KRT9: variants seen among roughly 807,000 people sequenced by gnomAD.
KRT9 encodes keratin, type I cytoskeletal 9.
In KRT9, 34 loss-of-function variants were observed where a neutral mutation model predicts 51.4. The observed-to-expected ratio is 0.66, with a 90% CI of 0.50 to 0.88. The LOEUF is 0.88. Ranked by LOEUF, KRT9 falls within the 40% of genes least tolerant of loss-of-function variation. The pLI is 0.00. For synonymous variants in KRT9, 292 were observed against 289.7 expected (o/e 1.01, Z -0.08); for missense variants, 753 against 790.3 (o/e 0.95, Z 0.57).
chr17:41,571,894 G>A lies in KRT9; in HGVS notation c.99C>T (p.Ser33=). ...CACCGCCCCCTGAGGAGCTGAAGCGGCTGTAGGAAGACCTTATGCTGCCCC... is the reference window on the plus strand; with the variant it reads ...CACCGCCCCCTGAGGAGCTGAAGCGACTGTAGGAAGACCTTATGCTGCCCC... ...GSGGSIRSSY[S]RFSSSGGGGG... The change falls in exon 1 of 8, where the codon AGC becomes AGT. Residue 33 remains serine, a synonymous_variant. Coordinates refer to ENST00000246662, the MANE Select transcript of KRT9 (RefSeq NM_000226.4). 1.2e-6 allele frequency: 2 copies of A among 1,608,792 alleles called. No individual in the cohort carries two copies. Among genetic ancestry groups the A allele is most frequent in the Non-Finnish European group, 1.7e-6 (2 of 1,177,918 alleles).
In KRT9 at chr17:41,571,459, G is replaced by A; in HGVS notation, c.534C>T (p.Asn178=). The A allele has an allele frequency of 3.7e-6, 6 of 1,613,980 alleles. No homozygotes were observed. Among genetic ancestry groups the A allele is most frequent in the Non-Finnish European group, 4.2e-6 (5 of 1,180,004 alleles). Residue 178 remains asparagine, a synonymous_variant, in exon 1 of 8, where the codon AAC becomes AAT. Coordinates refer to ENST00000246662, the MANE Select transcript of KRT9 (RefSeq NM_000226.4). The stretch of plus-strand genomic sequence containing the variant: ...CCTGGATCTTATTCTCCAGGTCGTT[G>A]TTGGCCTCCTCTAGAGCCTGCACCT... The part of the protein sequence containing the change: ...LDKVQALEEA[N]NDLENKIQDW...
intron 7 of KRT9, 96 bp from the exon 8 acceptor site, chr17:41,566,248 C>A (rs1906870385): frequency 6.5e-6 from 1 of 153,282 alleles, no homozygotes; most frequent in South Asian, 2.1e-4. Context: ...AAACTCGAAG[C>A]AAGGACACTA....
At position 41,570,234 on chromosome 17, in the gene KRT9, G is replaced by A. The variant is rs748828183; in HGVS notation, c.643-14C>T. 1.7e-5 allele frequency: 28 copies of A among 1,602,814 alleles called. No individual in the cohort carries two copies. Among genetic ancestry groups the A allele is most frequent in the Non-Finnish European group, 2.1e-5 (25 of 1,169,688 alleles). The stretch of plus-strand genomic sequence containing the variant: ...CAGGTCCACAATCTGAAAAAAAAAG[G>A]ACACAGCCATGATATCATGCTGTGG... On this transcript the variant is annotated splice_polypyrimidine_tract_variant and intron_variant, in intron 1 of 7. Transcript: ENST00000246662.
rs545664838 is a variant in KRT9, at chr17:41,566,023, G to C, written c.*170C>G. 77 of 152,828 alleles carry C rather than the reference G, an allele frequency of 5.0e-4. 1 individual carries two copies. The highest frequency in any genetic ancestry group is 1.8e-3 in the African/African-American group (74 of 41,588). The allele number at this position is 152,828 out of a possible 1,614,324, so 9.5% of individuals were successfully genotyped here. The stretch of plus-strand genomic sequence containing the variant: ...AGTTCAGTCCCAAACGGGCACAGGG[G>C]CTTGTTGCCAGCTATTCCTGATGTC... On this transcript the variant is annotated 3_prime_UTR_variant, in exon 8 of 8. Transcript: ENST00000246662.
At chr17:41,568,137 T>A (rs1441181054) in intron 6 of KRT9, 25 bp downstream of exon 6, 1 of 1,594,090 alleles carries the variant, frequency 6.3e-7, no homozygotes, top group Non-Finnish European at 8.6e-7. Flanking sequence ...CCCCCAGGGG[T>A]TCCACCAAAT....
rs1472705574 is a variant in KRT9, at chr17:41,567,319, C to T, written c.1826G>A (p.Ser609Asn). 8 of 1,614,202 alleles carry T rather than the reference C, an allele frequency of 5.0e-6. No individual in the cohort carries two copies. Among genetic ancestry groups the T allele is most frequent in the Middle Eastern group, 1.6e-4 (1 of 6,062 alleles). The part of the protein sequence containing the change: ...SYGGGEEASG[S>N]GGGYGGGSGK... ...GCTTCCTCCTCCGTAGCCGCCACCA[C>T]TTCCACTCGCTTCTTCACCGCCTCC... Residue 609 changes from serine to asparagine, a missense_variant, in exon 7 of 8, where the codon AGT becomes AAT. Physicochemically the swap from Ser to Asn is conservative, Grantham distance 46. Around this residue, in one of 3 missense-constraint regions of KRT9, gnomAD observed 507 missense variants for 563.7 expected, o/e 0.90. Transcript: ENST00000246662.
At position 41,571,534 on chromosome 17, in the gene KRT9, C is replaced by A. The variant is rs748215396; in HGVS notation, c.459G>T (p.Glu153Asp). 1 of 1,613,912 alleles carries A rather than the reference C, an allele frequency of 6.2e-7. No homozygotes were observed. The highest frequency in any genetic ancestry group is 8.5e-7 in the Non-Finnish European group (1 of 1,179,962). Residue 153 changes from glutamate (E) to aspartate (D), a missense_variant, in exon 1 of 8, where the codon GAG becomes GAT. Physicochemically the swap from Glu to Asp is conservative, Grantham distance 45. Around this residue, in one of 3 missense-constraint regions of KRT9, gnomAD observed 241 missense variants for 210.3 expected, o/e 1.15. Transcript: ENST00000246662. ...GGDGGILTAN[E>D]KSTMQELNSR... ...AATTGAGTTCCTGCATGGTGCTCTT[C>A]TCATTAGCAGTCAGAATACCACCAT...
At position 41,570,201 on chromosome 17, in the gene KRT9, C is replaced by T; in HGVS notation, c.662G>A (p.Gly221Asp). Reference protein sequence around the residue: ...LKDQIVDLTVGNNKTLLDIDN... With the variant: ...LKDQIVDLTVDNNKTLLDIDN... Reference sequence around the variant, plus strand: ...AATGTCCAGGAGAGTTTTGTTGTTGCCCACTGTCAGGTCCACAATCTGAAA... The same window carrying T: ...AATGTCCAGGAGAGTTTTGTTGTTGTCCACTGTCAGGTCCACAATCTGAAA... Residue 221 changes from glycine (G) to aspartate (D), a missense_variant, in exon 2 of 8, where the codon GGC (glycine) becomes GAC (aspartate). Coordinates refer to ENST00000246662, the MANE Select transcript of KRT9 (RefSeq NM_000226.4). 1 of 1,613,908 alleles carries T rather than the reference C, an allele frequency of 6.2e-7. No homozygotes were observed. The highest frequency in any genetic ancestry group is 8.5e-7 in the Non-Finnish European group (1 of 1,179,914).
Position 41,567,386 on chromosome 17 carries a change from C to G in KRT9, c.1759G>C (p.Gly587Arg), listed in dbSNP as rs1906905384. The change falls in exon 7 of 8, where the codon GGT becomes CGT. Residue 587 changes from glycine to arginine, a missense_variant. Around this residue, in one of 3 missense-constraint regions of KRT9, gnomAD observed 507 missense variants for 563.7 expected, o/e 0.90. Coordinates refer to ENST00000246662, the MANE Select transcript of KRT9 (RefSeq NM_000226.4). ...GSRGGSGGSHGGGSGFGGESG... is the reference protein window; with the variant it reads ...GSRGGSGGSHRGGSGFGGESG... Reference sequence around the variant, plus strand: ...TCACCTCCAAAACCACTTCCTCCACCATGGCTGCCTCCACTTCCTCCCCTG... The same window carrying G: ...TCACCTCCAAAACCACTTCCTCCACGATGGCTGCCTCCACTTCCTCCCCTG... 1 of 1,602,342 alleles carries G rather than the reference C, an allele frequency of 6.2e-7. No homozygotes were observed. The highest frequency in any genetic ancestry group is 1.3e-5 in the African/African-American group (1 of 74,602).
chr17:41,569,715 C>A, intron 3 of KRT9, 128 bp from the exon 4 acceptor site: 1 of 1,472,454 alleles, frequency 6.8e-7, no homozygotes, highest in Non-Finnish European at 9.5e-7. Context: ...CAACCACTAC[C>A]ATAGGTGATG....
rs1356964529 is a variant in KRT9 at position 41,569,435 on chromosome 17, A to C, written c.1035T>G (p.Tyr345Ter). 6.2e-7 allele frequency: 1 copy of C among 1,613,974 alleles called. No individual in the cohort carries two copies. Among genetic ancestry groups the C allele is most frequent in the Non-Finnish European group, 8.5e-7 (1 of 1,180,000 alleles). The change falls in exon 4 of 8, where the codon TAT becomes TAG. Residue 345 changes from tyrosine to a stop codon, truncating the protein, a stop_gained. Coordinates refer to ENST00000246662, the MANE Select transcript of KRT9 (RefSeq NM_000226.4). LOFTEE classifies it high-confidence loss of function. ...AGCCCACTCTGCTCACCTGAGTCTC[A>C]TATTGATTCTCGATGTCCTTTCTGT... is the stretch of plus-strand genomic sequence containing the variant. Reference protein sequence around the residue: ...AKNRKDIENQYETQITQIEHE... With the variant: ...AKNRKDIENQ
intron 1 of KRT9, among the ~76,000 whole-genome samples, chr17:41,570,580 A>T (rs1907049020): frequency 6.6e-6 from 1 of 152,252 alleles, no homozygotes; most frequent in Non-Finnish European, 1.5e-5. Flanking sequence ...AGATCAAGAA[A>T]GACTTCAGGA....
chr17:41,570,880 T>A (rs562319699), intron 1 of KRT9, among the ~76,000 whole-genome samples: 1 of 152,134 alleles, frequency 6.6e-6, no homozygotes, highest in Non-Finnish European at 1.5e-5. Context: ...GAGGAAGGGA[T>A]AGATGGAAGG....
chr17:41,571,123 A>G (rs1402378518), intron 1 of KRT9, among the ~76,000 whole-genome samples: 1 of 152,180 alleles, frequency 6.6e-6, no homozygotes, highest in Non-Finnish European at 1.5e-5. Flanking sequence ...TGCTCTGCCC[A>G]AACTCTGAAA....
Position 41,571,722 on chromosome 17 carries a change from C to T in KRT9, c.271G>A (p.Gly91Arg), listed in dbSNP as rs1403721883. 1 of 1,612,490 alleles carries T rather than the reference C, an allele frequency of 6.2e-7. No individual in the cohort carries two copies. Among genetic ancestry groups the T allele is most frequent in the Admixed American group, 1.7e-5 (1 of 59,914 alleles). ...FSASSLGGGF[G>R]GGSRGFGGAS... ...CCACCAAAACCTCTGGAACCACCCC[C>T]AAAGCCACCGCCTAAACTACTGGCA... Residue 91 changes from glycine to arginine, a missense_variant, in exon 1 of 8, where the codon GGG becomes AGG. Transcript: ENST00000246662.
chr17:41,569,922 G>A lies in KRT9; in HGVS notation c.819C>T (p.Asp273=). 4 of 1,614,130 alleles carry A rather than the reference G, an allele frequency of 2.5e-6. No homozygotes were observed. Among genetic ancestry groups the A allele is most frequent in the Non-Finnish European group, 3.4e-6 (4 of 1,180,038 alleles). ...GCAGAGTCTCATACTGCATCTCCAG[G>A]TCAGACTTCTCCATGGTCAGATTGT... ...VLDNLTMEKS[D]LEMQYETLQE... The change falls in exon 3 of 8, where the codon GAC becomes GAT. Residue 273 remains aspartate, a synonymous_variant. Transcript: ENST00000246662.
chr17:41,568,220 G>T lies in KRT9; in HGVS notation c.1336C>A (p.Arg446=), dbSNP rs201551901. The T allele has an allele frequency of 3.1e-6, 5 of 1,613,840 alleles. No individual in the cohort carries two copies. The highest frequency in any genetic ancestry group is 2.7e-5 in the African/African-American group (2 of 74,830). ...TAGGTCTCGATTTCCTTCTCCAGCC[G>T]CATCTTAATGCTGAGCAGAAGGCTG... ...EYSLLLSIKM[R]LEKEIETYHN... is the part of the protein sequence containing the mutation. Residue 446 remains arginine (R), a synonymous_variant, in exon 6 of 8, where the codon CGG becomes AGG. Coordinates refer to ENST00000246662, the MANE Select transcript of KRT9 (RefSeq NM_000226.4).
rs547569771 is a variant in KRT9, at chr17:41,567,480, C to CCCACTTCCTCCACTATGACCACCT, written c.1641_1664dup (p.Gly549_Gly556dup). 6.5e-4 allele frequency: 1,001 copies of CCCACTTCCTCCACTATGACCACCT among 1,549,282 alleles called. 7 individuals carry two copies. In the African/African-American group the frequency reaches 0.012, roughly 18 times the overall value. On this transcript the variant is annotated inframe_insertion, in exon 7 of 8. Transcript: ENST00000246662. ...AGCCACTTCCTCCTCCATAGTTGCC[C>CCCACTTCCTCCACTATGACCACCT]CCACTTCCTCCACTATGACCACCTC...
chr17:41,568,263 C>T lies in KRT9; in HGVS notation c.1293G>A (p.Glu431=). The T allele has an allele frequency of 6.2e-7, 1 of 1,614,186 alleles. No individual in the cohort carries two copies. Among genetic ancestry groups the T allele is most frequent in the Non-Finnish European group, 8.5e-7 (1 of 1,180,040 alleles). The change falls in exon 6 of 8, where the codon GAG becomes GAA. Residue 431 remains glutamate, a synonymous_variant. Transcript: ENST00000246662. ...GAAGGCTGTATTCCTGATTCTGGCACTCGATCTCTTGCCGGACGTCAGTGA... is the reference window on the plus strand; with the variant it reads ...GAAGGCTGTATTCCTGATTCTGGCATTCGATCTCTTGCCGGACGTCAGTGA... ...AQITDVRQEI[E]CQNQEYSLLL... is the part of the protein sequence containing the mutation.
Sources: gnomAD v4.1 joint callset for allele counts (sites outside exome capture counted in the v4.1 genomes callset) on GRCh38, gnomAD v4.1.1 for gene constraint, gnomAD v4.1.1 regional missense constraint, MANE v1.5 for transcripts, NCBI Gene and HGNC (gene_info 2026-07-23, HGNC 2026-07-21) for gene names.